The following CBFA2T3 variants were observed in gnomAD, a reference collection of about 807,000 sequenced individuals.
CBFA2T3 encodes transcriptional corepressor CBFA2T3.
A neutral mutation model predicts 58.6 loss-of-function variants in CBFA2T3; 31 were observed. The observed-to-expected ratio is 0.53, with a 90% CI of 0.40 to 0.71. CBFA2T3 has a LOEUF of 0.71. CBFA2T3 is among the 30% of genes least tolerant of loss of function. CBFA2T3 has a pLI of 0.00. For synonymous variants in CBFA2T3, 531 were observed against 421.9 expected (o/e 1.26, Z -3.17); for missense variants, 1,076 against 963.1 (o/e 1.12, Z -1.55).
chr16:88,976,043 C>T (rs548643596), intron 1 of CBFA2T3, among the ~76,000 whole-genome samples: 1 of 152,194 alleles, frequency 6.6e-6, no homozygotes, highest in African/African-American at 2.4e-5. Context: ...TTCGCAGGCT[C>T]GGGTGGGGGG....
At chr16:88,956,453 G>A (rs1012721790) in intron 1 of CBFA2T3, among the ~76,000 whole-genome samples, 38 of 152,380 alleles carry the variant, frequency 2.5e-4, no homozygotes, top group African/African-American at 8.2e-4. Flanking sequence ...TCAGAGCCCA[G>A]CAGCTCCCGG....
At chr16:88,966,005 CAG>C (rs370447743) in intron 1 of CBFA2T3, among the ~76,000 whole-genome samples, 1 of 152,350 alleles carries the variant, frequency 6.6e-6, no homozygotes, top group Non-Finnish European at 1.5e-5. Context: ...GCAGCAGGAA[CAG>C]AGAGACCCCA....
chr16:88,932,140 G>A (rs1971329944), intron 1 of CBFA2T3, among the ~76,000 whole-genome samples: 1 of 151,194 alleles, frequency 6.6e-6, no homozygotes, highest in Non-Finnish European at 1.5e-5. Context: ...TCGTCGGGAA[G>A]ACAGCCTGCC....
chr16:88,883,750 A>T (rs1014261163), intron 7 of CBFA2T3: 1 of 149,978 alleles, frequency 6.7e-6, no homozygotes, highest in Non-Finnish European at 1.5e-5. Context: ...GATGCCCGGC[A>T]GTGGCCAACT....
At chr16:88,893,937 C>A (rs1002834281) in intron 3 of CBFA2T3, among the ~76,000 whole-genome samples, 16 of 152,162 alleles carry the variant, frequency 1.1e-4, no homozygotes, top group African/African-American at 3.6e-4. Context: ...GCTCCCAAGT[C>A]CCTTGCTGAC....
intron 1 of CBFA2T3, among the ~76,000 whole-genome samples, chr16:88,922,053 T>C (rs576487196): frequency 2.6e-5 from 4 of 152,194 alleles, no homozygotes; most frequent in Non-Finnish European, 4.4e-5. Context: ...GGCTCTGATT[T>C]CAGGGCTGGT....
chr16:88,927,144 C>A (rs62045797), intron 1 of CBFA2T3, among the ~76,000 whole-genome samples: 1 of 152,208 alleles, frequency 6.6e-6, no homozygotes, highest in Non-Finnish European at 1.5e-5. Flanking sequence ...CAGCCCCGGG[C>A]GTACAGCAGG....
intron 3 of CBFA2T3, among the ~76,000 whole-genome samples, chr16:88,894,277 G>A (rs2911453): frequency 0.018 from 151 of 8,208 alleles, 2 homozygotes; most frequent in African/African-American, 0.09. Context: ...ACACATGCAC[G>A]CACACATGCA....
In CBFA2T3 at chr16:88,876,548, A is replaced by G. The variant is rs1432409317; in HGVS notation, c.*428T>C. 2.5e-5 allele frequency: 6 copies of G among 243,396 alleles called. No individual in the cohort carries two copies. Among genetic ancestry groups the G allele is most frequent in the Non-Finnish European group, 1.6e-5 (2 of 125,750 alleles). The allele number at this position is 243,396 out of a possible 1,614,324, so 15.1% of individuals were successfully genotyped here. On this transcript the variant is annotated 3_prime_UTR_variant, in exon 12 of 12. Transcript: ENST00000268679. The stretch of plus-strand genomic sequence containing the variant: ...TCTTTGCTGAAAATATAAGCCACCA[A>G]TTCGATTTTTTCATTGAAGAGAAAG...
chr16:88,915,048 C>T (rs1034949712), intron 1 of CBFA2T3, among the ~76,000 whole-genome samples: 1 of 151,430 alleles, frequency 6.6e-6, no homozygotes, highest in Admixed American at 6.6e-5. Context: ...CCTTACCCAG[C>T]ACTGGCCCTG....
At chr16:88,973,921 C>T (rs13330216) in intron 1 of CBFA2T3, among the ~76,000 whole-genome samples, 19,491 of 152,102 alleles carry the variant, frequency 0.13, 1,534 homozygotes, top group Middle Eastern at 0.24. Context: ...CCGCCTTGCC[C>T]GGTCCCCATA....
Position 88,913,604 on chromosome 16 carries a change from T to A in CBFA2T3, c.152-11948A>T, listed in dbSNP as rs58028698. Among the ~76,000 whole-genome samples the A allele has an allele frequency of 9.8e-3, 1,489 of 152,278 alleles. 30 individuals are homozygous for A. Among genetic ancestry groups the A allele is most frequent in the African/African-American group, 0.034 (1,422 of 41,540 alleles). ...CGAACCAGGCCTCAGATGCCAATGCTGCACTTGCCCTCCGCTACTCCACAC... is the reference window on the plus strand; with the variant it reads ...CGAACCAGGCCTCAGATGCCAATGCAGCACTTGCCCTCCGCTACTCCACAC... On this transcript the variant is annotated intron_variant, in intron 1 of 11. Coordinates refer to ENST00000268679, the MANE Select transcript of CBFA2T3 (RefSeq NM_005187.6).
chr16:88,942,134 C>T (rs4782500), intron 1 of CBFA2T3, among the ~76,000 whole-genome samples: 42,195 of 152,080 alleles, frequency 0.28, 6,924 homozygotes, highest in Middle Eastern at 0.51. Context: ...AGAAACGCCC[C>T]GAGCCGCTGC....
At chr16:88,878,946 A>G (rs112685518) in intron 11 of CBFA2T3, among the ~76,000 whole-genome samples, 5,502 of 151,948 alleles carry the variant, frequency 0.036, 327 homozygotes, top group African/African-American at 0.13. Flanking sequence ...CAAGAGTGAA[A>G]CTCCATCTCA....
intron 1 of CBFA2T3, among the ~76,000 whole-genome samples, chr16:88,970,742 T>C (rs1330751735): frequency 6.6e-6 from 1 of 152,172 alleles, no homozygotes; most frequent in African/African-American, 2.4e-5. Context: ...TGGAATAGAC[T>C]CACGCCTTCC....
intron 1 of CBFA2T3, among the ~76,000 whole-genome samples, chr16:88,923,569 G>C (rs1026790000): frequency 3.3e-5 from 5 of 152,256 alleles, no homozygotes; most frequent in African/African-American, 1.2e-4. Context: ...CAACTGAGCC[G>C]TGAGGGGGCA....
intron 1 of CBFA2T3, among the ~76,000 whole-genome samples, chr16:88,970,782 G>A (rs979535960): frequency 3.3e-5 from 5 of 152,234 alleles, no homozygotes; most frequent in African/African-American, 9.6e-5. Context: ...GGCCAGCACC[G>A]TCTGCTGAGG....
At chr16:88,898,343 G>A (rs1969967399) in intron 2 of CBFA2T3, among the ~76,000 whole-genome samples, 191 bp from the exon 3 acceptor site, 1 of 151,956 alleles carries the variant, frequency 6.6e-6, no homozygotes, top group African/African-American at 2.4e-5. Flanking sequence ...ATTTTCGGAG[G>A]GGCCTGGGCA....
chr16:88,952,862 C>T (rs541001749), intron 1 of CBFA2T3, among the ~76,000 whole-genome samples: 2 of 152,130 alleles, frequency 1.3e-5, no homozygotes, highest in South Asian at 4.2e-4. Flanking sequence ...TTCCTTCCCC[C>T]CCACCCCCAC....
Sources: allele counts gnomAD v4.1 joint callset (sites outside exome capture counted in the v4.1 genomes callset), GRCh38; gene constraint gnomAD v4.1.1; transcripts MANE v1.5; gene names NCBI Gene and HGNC (gene_info 2026-07-23, HGNC 2026-07-21).